Variants in CTNNA2 observed in about 807,000 individuals in gnomAD.
The protein encoded by CTNNA2 is catenin alpha 2.
In CTNNA2, 42 loss-of-function variants were observed where a neutral mutation model predicts 101.0. That is an observed-to-expected ratio of 0.42 (90% CI 0.32 to 0.54). The LOEUF (loss-of-function observed/expected upper bound fraction) is 0.54, where lower values mean the gene tolerates loss of function less well. Ranked by LOEUF, CTNNA2 falls within the 20% of genes least tolerant of loss-of-function variation. CTNNA2 has a pLI of 0.14. For synonymous variants in CTNNA2, 450 were observed against 456.4 expected (o/e 0.99, Z 0.18); for missense variants, 871 against 1,223.1 (o/e 0.71, Z 4.29).
chr2:79,863,098 GAT>G (rs1197024300), intron 4 of CTNNA2, among the ~76,000 whole-genome samples: 1 of 151,886 alleles, frequency 6.6e-6, no homozygotes, highest in Non-Finnish European at 1.5e-5. Flanking sequence ...CTAGACTAAA[GAT>G]AGCACAAAAG....
intron 1 of CTNNA2, among the ~76,000 whole-genome samples, chr2:79,593,797 C>T (rs561335985): frequency 2.0e-5 from 3 of 151,788 alleles, no homozygotes; most frequent in East Asian, 1.9e-4. Flanking sequence ...TCCTAAAAAA[C>T]GATCATACAG....
chr2:79,373,282 A>G (rs571812516), intron 3 of CTNNA2, among the ~76,000 whole-genome samples: 2 of 152,306 alleles, frequency 1.3e-5, no homozygotes, highest in South Asian at 2.1e-4. Flanking sequence ...TCTATCTCCA[A>G]TTGGCTCTAT....
chr2:80,228,176 A>T (rs906717547), intron 7 of CTNNA2, among the ~76,000 whole-genome samples: 3 of 152,206 alleles, frequency 2.0e-5, no homozygotes, highest in Non-Finnish European at 2.9e-5. Context: ...GCCTAAGTCC[A>T]TTTGGGCTGC....
intron 7 of CTNNA2, among the ~76,000 whole-genome samples, chr2:80,360,410 A>C (rs150567013): frequency 9.9e-5 from 15 of 152,218 alleles, no homozygotes; most frequent in Admixed American, 2.0e-4. Flanking sequence ...GGTAGTACTT[A>C]AGGGTTTTTT....
At chr2:79,614,848 T>C (rs1413203265) in intron 1 of CTNNA2, among the ~76,000 whole-genome samples, 2 of 152,206 alleles carry the variant, frequency 1.3e-5, no homozygotes, top group East Asian at 3.8e-4. Context: ...CTTTTAGCTT[T>C]ACAACTGATA....
intron 7 of CTNNA2, among the ~76,000 whole-genome samples, chr2:80,217,440 T>C (rs999785058): frequency 1.3e-5 from 2 of 152,096 alleles, no homozygotes; most frequent in African/African-American, 4.8e-5. Context: ...AGCCTCAGTT[T>C]TGTTACCTTT....
intron 7 of CTNNA2, among the ~76,000 whole-genome samples, chr2:79,956,683 G>T (rs1204633234): frequency 6.6e-6 from 1 of 152,160 alleles, no homozygotes; most frequent in Non-Finnish European, 1.5e-5. Flanking sequence ...AAGTCATCCA[G>T]TTTCAATGCA....
intron 2 of CTNNA2, chr2:79,293,290 A>G (rs1185431340): frequency 1.3e-5 from 2 of 152,332 alleles, no homozygotes; most frequent in African/African-American, 4.8e-5. Context: ...ATGTGGGCCA[A>G]TTTCTCATTC....
chr2:80,605,625 C>A (rs1337446471), intron 16 of CTNNA2: 1 of 151,856 alleles, frequency 6.6e-6, no homozygotes, highest in East Asian at 1.9e-4. Flanking sequence ...CAGGCTCTAA[C>A]ATCCTTCATT....
chr2:79,949,335 A>G (rs149502108), intron 7 of CTNNA2, among the ~76,000 whole-genome samples: 4 of 152,216 alleles, frequency 2.6e-5, no homozygotes, highest in South Asian at 2.1e-4. Flanking sequence ...AAATACTTCA[A>G]ATGAAACAGG....
intron 9 of CTNNA2, among the ~76,000 whole-genome samples, chr2:80,475,249 T>C (rs1295110399): frequency 2.0e-5 from 3 of 152,192 alleles, no homozygotes; most frequent in Non-Finnish European, 4.4e-5. Flanking sequence ...ATTGTGTCAT[T>C]GTATGTTGAG....
At chr2:79,228,862 T>A (rs987934053) in intron 2 of CTNNA2, among the ~76,000 whole-genome samples, 4 of 152,162 alleles carry the variant, frequency 2.6e-5, no homozygotes, top group South Asian at 2.1e-4. Context: ...CTAGGTTTCC[T>A]TCTAGGATTT....
intron 7 of CTNNA2, among the ~76,000 whole-genome samples, chr2:80,318,033 A>G (rs1425018879): frequency 3.9e-5 from 6 of 152,124 alleles, no homozygotes; most frequent in Admixed American, 1.3e-4. Context: ...CTCACTCCAG[A>G]CTACCCCTCA....
At chr2:80,092,526 G>A (rs1699851250) in intron 7 of CTNNA2, among the ~76,000 whole-genome samples, 1 of 152,058 alleles carries the variant, frequency 6.6e-6, no homozygotes, top group African/African-American at 2.4e-5. Flanking sequence ...AACTGGCAAG[G>A]TGTGTTGACA....
chr2:80,485,191 A>G (rs1349022480), intron 9 of CTNNA2, among the ~76,000 whole-genome samples: 1 of 152,170 alleles, frequency 6.6e-6, no homozygotes, highest in Non-Finnish European at 1.5e-5. Flanking sequence ...ATCCACTGTC[A>G]AACTAACTTC....
intron 7 of CTNNA2, among the ~76,000 whole-genome samples, chr2:80,277,311 C>G (rs141058169): frequency 1.3e-5 from 2 of 152,200 alleles, no homozygotes; most frequent in African/African-American, 4.8e-5. Context: ...TTACTGAGGT[C>G]TCATTACATA....
intron 7 of CTNNA2, among the ~76,000 whole-genome samples, chr2:80,133,586 A>G (rs558645070): frequency 3.3e-5 from 5 of 152,294 alleles, no homozygotes; most frequent in African/African-American, 9.6e-5. Context: ...AATGGGACAG[A>G]AAAGTCAATT....
At chr2:79,724,180 G>A (rs903416500) in intron 2 of CTNNA2, among the ~76,000 whole-genome samples, 22 of 151,728 alleles carry the variant, frequency 1.4e-4, no homozygotes, top group African/African-American at 5.3e-4. Context: ...TCTCCAGTTG[G>A]TTTCCTTCAG....
At chr2:79,320,628 T>C (rs1676599019) in intron 3 of CTNNA2, among the ~76,000 whole-genome samples, 1 of 152,168 alleles carries the variant, frequency 6.6e-6, no homozygotes, top group Admixed American at 6.5e-5. Flanking sequence ...GCCTTGTAGA[T>C]GTTGGAATCC....
Sources: gnomAD v4.1 joint callset for allele counts (sites outside exome capture counted in the v4.1 genomes callset) on GRCh38, gnomAD v4.1.1 for gene constraint, MANE v1.5 for transcripts, NCBI Gene and HGNC (gene_info 2026-07-23, HGNC 2026-07-21) for gene names.